The following SBK1 variants were observed in gnomAD, a reference collection of about 807,000 sequenced individuals.
SBK1 encodes serine/threonine-protein kinase SBK1.
In SBK1, 11 loss-of-function variants were observed where a neutral mutation model predicts 24.4. The observed-to-expected ratio is 0.45, with a 90% CI of 0.28 to 0.75. The LOEUF is 0.75. Ranked by LOEUF, SBK1 falls within the 30% of genes least tolerant of loss-of-function variation. SBK1 has a pLI of 0.12. For synonymous variants in SBK1, 308 were observed against 284.4 expected (o/e 1.08, Z -0.83); for missense variants, 467 against 620.5 (o/e 0.75, Z 2.63).
chr16:28,302,941 G>C (rs2044688744), intron 1 of SBK1, among the ~76,000 whole-genome samples: 1 of 135,494 alleles, frequency 7.4e-6, no homozygotes, highest in African/African-American at 2.7e-5. Flanking sequence ...CATCCTACCA[G>C]GAAAAAATAG....
chr16:28,263,806 G>C (rs1162560510), intron 1 of SBK1, among the ~76,000 whole-genome samples: 1 of 152,132 alleles, frequency 6.6e-6, no homozygotes, highest in African/African-American at 2.4e-5. Context: ...CTTTGGAGAT[G>C]GGGAAGTAAG....
At chr16:28,299,500 G>A (rs560115625) in intron 1 of SBK1, among the ~76,000 whole-genome samples, 3 of 152,238 alleles carry the variant, frequency 2.0e-5, no homozygotes, top group South Asian at 2.1e-4. Context: ...ATGGGACCTC[G>A]CCTGAGCTCC....
intron 1 of SBK1, among the ~76,000 whole-genome samples, chr16:28,299,752 C>T (rs947538322): frequency 1.3e-5 from 2 of 152,218 alleles, no homozygotes; most frequent in African/African-American, 4.8e-5. Flanking sequence ...GCCAGGTTGG[C>T]TTCAGGAAGG....
At chr16:28,293,938 GTGA>G (rs2044620865) in intron 1 of SBK1, among the ~76,000 whole-genome samples, 4 of 152,166 alleles carry the variant, frequency 2.6e-5, no homozygotes, top group Non-Finnish European at 5.9e-5. Flanking sequence ...ACCCCCCAAA[GTGA>G]GGCGCTAGTT....
chr16:28,303,210 C>T (rs2044691481), intron 1 of SBK1, among the ~76,000 whole-genome samples: 1 of 151,850 alleles, frequency 6.6e-6, no homozygotes, highest in South Asian at 2.1e-4. Flanking sequence ...GGCTTTGGAA[C>T]ACAATGAGAG....
At chr16:28,312,934 G>T (rs1045270995) in intron 1 of SBK1, among the ~76,000 whole-genome samples, 4 of 152,172 alleles carry the variant, frequency 2.6e-5, no homozygotes, top group Non-Finnish European at 5.9e-5. Context: ...GGGAGTTCGA[G>T]ACCAGCCTGA....
intron 1 of SBK1, among the ~76,000 whole-genome samples, chr16:28,263,170 T>TGC (rs2044407607): frequency 2.6e-5 from 4 of 152,218 alleles, no homozygotes; most frequent in Admixed American, 2.6e-4. Flanking sequence ...ATGCCCAATG[T>TGC]TCTCATTCAT....
rs1247488558 is a variant in SBK1 at position 28,280,171 on chromosome 16, G to GTGTGTGTGTGTGTGTA, written c.257+20670_257+20671insGTGTGTGTGTGTGTAT. ...TATATGTGTGTGTGTGTGTGTGTGTGTATGTATATATACATATATATGTAC... is the reference window on the plus strand; with the variant it reads ...TATATGTGTGTGTGTGTGTGTGTGTGTGTGTGTGTGTGTGTATATGTATATATACATATATATGTAC... On this transcript the variant is annotated intron_variant, in intron 1 of 3. Coordinates refer to the SBK1 transcript ENST00000671413. Among the ~76,000 whole-genome samples, 481 of 109,440 alleles carry GTGTGTGTGTGTGTGTA rather than the reference G, an allele frequency of 4.4e-3. 18 individuals are homozygous for GTGTGTGTGTGTGTGTA. Among genetic ancestry groups the GTGTGTGTGTGTGTGTA allele is most frequent in the Admixed American group, 0.028 (233 of 8,262 alleles). The allele number at this position is 109,440 out of a possible 152,430, so 71.8% of individuals were successfully genotyped here. A position where few individuals can be genotyped will look rare whatever the true frequency, so the allele number is the denominator to read the frequency against.
rs55860114 is a variant in SBK1, at chr16:28,321,182, AACACACACACACACACACACACAC to A, written c.*294_*317del. On this transcript the variant is annotated 3_prime_UTR_variant, in exon 4 of 4. Transcript: ENST00000341901. ...CCCGAGAATTCGGAGGCCACCACAC[AACACACACACACACACACACACAC>A]ACACACACACACACACACACACACA... The A allele has an allele frequency of 1.2e-3, 236 of 192,042 alleles. No homozygotes were observed. Among genetic ancestry groups the A allele is most frequent in the African/African-American group, 2.1e-3 (69 of 32,540 alleles). The allele number at this position is 192,042 out of a possible 1,614,324, so 11.9% of individuals were successfully genotyped here. A position where few individuals can be genotyped will look rare whatever the true frequency, so the allele number is the denominator to read the frequency against.
intron 1 of SBK1, among the ~76,000 whole-genome samples, chr16:28,301,119 T>G (rs750543936): frequency 2.2e-4 from 33 of 151,842 alleles, no homozygotes; most frequent in Non-Finnish European, 4.1e-4. Context: ...CCCAGCATCC[T>G]GCACTCCTGT....
upstream of SBK1, chr16:28,292,438 A>T: frequency 4.2e-6 from 3 of 722,158 alleles, no homozygotes; most frequent in Non-Finnish European, 5.1e-6. Flanking sequence ...AGCGGGACGG[A>T]CAAAGGGGCG....
In SBK1 at chr16:28,312,201, C is replaced by T. The variant is rs2044758762; in HGVS notation, c.-7-5184C>T. Among the ~76,000 whole-genome samples, 3 of 152,156 alleles carry T rather than the reference C, an allele frequency of 2.0e-5. No individual in the cohort carries two copies. The South Asian group carries it at 6.2e-4, about 31-fold the overall frequency. On this transcript the variant is annotated intron_variant, in intron 1 of 3. Transcript: ENST00000341901. Reference sequence around the variant, plus strand: ...AGAGGGCTGCGTGCTCATCAGAGCCCCTGGGGGACAGCCCCACAGTCCACA... The same window carrying T: ...AGAGGGCTGCGTGCTCATCAGAGCCTCTGGGGGACAGCCCCACAGTCCACA...
rs1313687182 is a variant in SBK1, at chr16:28,320,312, G to A, written c.666G>A (p.Ala222=). 1.3e-6 allele frequency: 2 copies of A among 1,591,778 alleles called. No homozygotes were observed. The highest frequency in any genetic ancestry group is 1.1e-5 in the South Asian group (1 of 90,592). Residue 222 remains alanine, a synonymous_variant, in exon 4 of 4, where the codon GCG becomes GCA. Transcript: ENST00000341901. The surrounding 1 kb of genome is among the most constrained non-coding windows in gnomAD (Gnocchi z 8.5). ...ACACGGCGCCTGAGGTGTGCCAGGC[G>A]GGCCGCGCCGACGGGCTGGCGGTGG... ...IPYTAPEVCQ[A]GRADGLAVDT...
At chr16:28,297,381 G>C (rs2044648262) in intron 1 of SBK1, among the ~76,000 whole-genome samples, 1 of 152,182 alleles carries the variant, frequency 6.6e-6, no homozygotes, top group Non-Finnish European at 1.5e-5. Flanking sequence ...CGAAACTGAT[G>C]GGCATTGTGG....
chr16:28,313,433 C>T (rs1250643576), intron 1 of SBK1, among the ~76,000 whole-genome samples: 1 of 151,720 alleles, frequency 6.6e-6, no homozygotes, highest in African/African-American at 2.4e-5. Flanking sequence ...CCCATCTCTA[C>T]AAAAAATACA....
Position 28,320,893 on chromosome 16 carries a change from T to C in SBK1, c.1247T>C (p.Leu416Pro). 6.7e-7 allele frequency: 1 copy of C among 1,499,854 alleles called. No individual in the cohort carries two copies. Among genetic ancestry groups the C allele is most frequent in the South Asian group, 1.2e-5 (1 of 83,262 alleles). 92.9% of individuals were successfully genotyped at this position (1,499,854 alleles called of 1,614,324 possible). Residue 416 changes from leucine (L) to proline (P), a missense_variant, in exon 4 of 4, where the codon CTG (leucine) becomes CCG (proline). Leu to Pro is a moderately conservative substitution (Grantham distance 98, BLOSUM62 -3). Transcript: ENST00000341901. The surrounding 1 kb of genome is among the most constrained non-coding windows in gnomAD (Gnocchi z 8.5). ...GACAAGAGCAAAGGGCAGGTGGTGCTGGCCACGGCCATCGAGATCTGCGTC... is the reference window on the plus strand; with the variant it reads ...GACAAGAGCAAAGGGCAGGTGGTGCCGGCCACGGCCATCGAGATCTGCGTC... ...RADKSKGQVVLATAIEICV is the reference protein window; with the variant it reads ...RADKSKGQVVPATAIEICV
At chr16:28,292,503 G>T, upstream of SBK1, 1 of 977,078 alleles carries the variant, frequency 1.0e-6, no homozygotes, top group Non-Finnish European at 1.2e-6. Context: ...GCAGGTGCGC[G>T]CTGGCTGGAG....
At chr16:28,292,418 G>A, upstream of SBK1, 1 of 552,170 alleles carries the variant, frequency 1.8e-6, no homozygotes, top group Non-Finnish European at 2.3e-6. Context: ...TTGCGCGAGG[G>A]CGCGCGCCGA....
At chr16:28,284,507 C>T (rs929568323) in intron 1 of SBK1, among the ~76,000 whole-genome samples, 48 of 152,244 alleles carry the variant, frequency 3.2e-4, no homozygotes, top group African/African-American at 1.2e-3. Context: ...TCCTAAGGAG[C>T]CCAGCACCCA....
Sources: allele counts gnomAD v4.1 joint callset (sites outside exome capture counted in the v4.1 genomes callset), GRCh38; gene constraint gnomAD v4.1.1; non-coding constraint Gnocchi (gnomAD v3.1); transcripts MANE v1.5; gene names NCBI Gene and HGNC (gene_info 2026-07-23, HGNC 2026-07-21).